Variants in NAALADL2 observed in about 807,000 individuals in gnomAD.
NAALADL2 encodes N-acetylated alpha-linked acidic dipeptidase like 2.
Under a neutral mutation model 87.2 loss-of-function variants are expected in NAALADL2, and 76 were observed. The ratio of observed to expected loss-of-function variants is 0.87; its 90% confidence interval spans 0.72 to 1.05. The LOEUF is 1.05. Among genes scored for constraint, NAALADL2 ranks in the 50% least tolerant of loss-of-function variants. NAALADL2 has a pLI of 0.00. For missense variants in NAALADL2, 1,089 were observed against 945.8 expected, an observed-to-expected ratio of 1.15 and a Z score of -1.99; for synonymous variants, 354 against 331.0, an observed-to-expected ratio of 1.07 and a Z score of -0.75.
At chr3:175,420,020 G>T (rs186796373) in intron 5 of NAALADL2, among the ~76,000 whole-genome samples, 1 of 151,886 alleles carries the variant, frequency 6.6e-6, no homozygotes, top group Non-Finnish European at 1.5e-5. Context: ...AGCAGACATC[G>T]TTGGCCTCAG....
chr3:175,394,399 G>C, intron 5 of NAALADL2, among the ~76,000 whole-genome samples: 1 of 152,072 alleles, frequency 6.6e-6, no homozygotes, highest in East Asian at 1.9e-4. Flanking sequence ...TGGAGGTGAT[G>C]GATAACTTAA....
At chr3:174,741,546 C>A (rs901850242) in intron 3 of NAALADL2, among the ~76,000 whole-genome samples, 18 of 151,506 alleles carry the variant, frequency 1.2e-4, no homozygotes, top group African/African-American at 4.3e-4. Context: ...TAAGAATCTT[C>A]TGTCCCTCTC....
At chr3:175,262,576 G>A (rs932835217) in intron 4 of NAALADL2, among the ~76,000 whole-genome samples, 3 of 4,708 alleles carry the variant, frequency 6.4e-4, no homozygotes, top group African/African-American at 1.7e-3. Flanking sequence ...TGTTGTGTGA[G>A]TGTGTGTGTG....
chr3:175,026,117 C>G (rs767532766), intron 1 of NAALADL2, among the ~76,000 whole-genome samples: 1 of 152,046 alleles, frequency 6.6e-6, no homozygotes, highest in Admixed American at 6.6e-5. Flanking sequence ...GGCTGTTTAG[C>G]CATCCTAACA....
chr3:174,796,559 G>GT lies in NAALADL2; in HGVS notation c.-9+58820dup, dbSNP rs1031567621. 4.0e-5 allele frequency among the ~76,000 whole-genome samples: 6 copies of GT among 151,338 alleles called. No individual in the cohort carries two copies. In the East Asian group the frequency reaches 7.8e-4, roughly 20 times the overall value. On this transcript the variant is annotated intron_variant, in intron 3 of 3. Coordinates refer to the NAALADL2 transcript ENST00000434257. ...GTTGTGCTAAAGACATGATTTAATTGTTTTTTTAATGGCTGAATAGTTTTC... is the reference window on the plus strand; with the variant it reads ...GTTGTGCTAAAGACATGATTTAATTGTTTTTTTTAATGGCTGAATAGTTTTC...
At chr3:175,439,078 A>T (rs73033680) in intron 5 of NAALADL2, among the ~76,000 whole-genome samples, 7,124 of 152,136 alleles carry the variant, frequency 0.047, 406 homozygotes, top group East Asian at 0.14. Flanking sequence ...CTTCGCTACT[A>T]CTTATGAGTG....
chr3:175,374,198 G>A (rs759936911), intron 5 of NAALADL2, among the ~76,000 whole-genome samples: 37 of 151,666 alleles, frequency 2.4e-4, no homozygotes, highest in Non-Finnish European at 4.7e-4. Flanking sequence ...TTAATATTGT[G>A]GCTTACAAAT....
At chr3:175,001,714 C>T (rs750309750) in intron 1 of NAALADL2, among the ~76,000 whole-genome samples, 4 of 151,630 alleles carry the variant, frequency 2.6e-5, no homozygotes, top group South Asian at 2.1e-4. Flanking sequence ...AAAATTATTC[C>T]ACGTGAAAAA....
chr3:174,947,028 T>A (rs1488546911), intron 1 of NAALADL2, among the ~76,000 whole-genome samples: 1 of 152,282 alleles, frequency 6.6e-6, no homozygotes, highest in Admixed American at 6.5e-5. Context: ...TTAGTAACCC[T>A]TCACCTCAGC....
intron 2 of NAALADL2, among the ~76,000 whole-genome samples, chr3:175,138,621 T>C (rs1729500352): frequency 6.7e-6 from 1 of 149,242 alleles, no homozygotes; most frequent in African/African-American, 2.4e-5. Flanking sequence ...TTATTATTAT[T>C]ATTGTTATTA....
chr3:175,375,925 C>T (rs899356323), intron 5 of NAALADL2, among the ~76,000 whole-genome samples: 1 of 151,944 alleles, frequency 6.6e-6, no homozygotes, highest in Non-Finnish European at 1.5e-5. Context: ...TTTTTCTGCC[C>T]TACCCTCAGT....
In NAALADL2 at chr3:175,187,040, T is replaced by C. The variant is rs1737445202; in HGVS notation, c.546-46891T>C. Among the ~76,000 whole-genome samples the C allele has an allele frequency of 2.0e-5, 3 of 152,234 alleles. No individual in the cohort carries two copies. In the South Asian group the frequency reaches 6.2e-4, roughly 32 times the overall value. On this transcript the variant is annotated intron_variant, in intron 2 of 13. Transcript: ENST00000454872. Reference sequence around the variant, plus strand: ...ATAAATAAAATCAAATTCAAAAAGCTAGGTGATTTCAGAGAGCCAGTATTT... The same window carrying C: ...ATAAATAAAATCAAATTCAAAAAGCCAGGTGATTTCAGAGAGCCAGTATTT...
chr3:175,146,507 A>G (rs1272150753), intron 2 of NAALADL2, among the ~76,000 whole-genome samples: 1 of 152,162 alleles, frequency 6.6e-6, no homozygotes, highest in Non-Finnish European at 1.5e-5. Flanking sequence ...ATGCATTAAA[A>G]AATTGTAGAT....
At chr3:174,662,546 C>T (rs1311314894) in intron 2 of NAALADL2, among the ~76,000 whole-genome samples, 1 of 152,198 alleles carries the variant, frequency 6.6e-6, no homozygotes, top group East Asian at 1.9e-4. Context: ...TTTGCCCCAA[C>T]AGGAAATAAG....
chr3:175,307,794 TA>T (rs965885394), intron 4 of NAALADL2, among the ~76,000 whole-genome samples: 3 of 152,134 alleles, frequency 2.0e-5, no homozygotes, highest in African/African-American at 7.2e-5. Context: ...AAATTTAGTG[TA>T]AAGAGTGAGT....
intron 11 of NAALADL2, among the ~76,000 whole-genome samples, chr3:175,707,820 T>G (rs1739938759): frequency 1.3e-5 from 2 of 152,014 alleles, no homozygotes; most frequent in Non-Finnish European, 2.9e-5. Context: ...TAGAATTAAG[T>G]TTGTAAGACA....
chr3:174,871,944 A>T (rs962759380), intron 1 of NAALADL2, among the ~76,000 whole-genome samples: 3 of 152,126 alleles, frequency 2.0e-5, no homozygotes, highest in Non-Finnish European at 4.4e-5. Context: ...AAGAAAAATG[A>T]TAACATTATC....
intron 1 of NAALADL2, among the ~76,000 whole-genome samples, chr3:175,083,881 C>T (rs1003015019): frequency 1.3e-5 from 2 of 152,080 alleles, no homozygotes; most frequent in Non-Finnish European, 2.9e-5. Flanking sequence ...GAGCAACTAC[C>T]AGGTTCCAGA....
chr3:175,531,629 T>G (rs1245818509), intron 9 of NAALADL2, among the ~76,000 whole-genome samples: 1 of 152,238 alleles, frequency 6.6e-6, no homozygotes, highest in African/African-American at 2.4e-5. Flanking sequence ...TATTTCTGGC[T>G]TTGCCAGCTG....
Sources: gnomAD v4.1 joint callset for allele counts (sites outside exome capture counted in the v4.1 genomes callset) on GRCh38, gnomAD v4.1.1 for gene constraint, MANE v1.5 for transcripts, NCBI Gene and HGNC (gene_info 2026-07-23, HGNC 2026-07-21) for gene names.